The following LRP5 variants were observed in gnomAD, a reference collection of about 807,000 sequenced individuals.
The protein encoded by LRP5 is LDL receptor related protein 5.
A neutral mutation model predicts 154.1 loss-of-function variants in LRP5; 62 were observed. That is an observed-to-expected ratio of 0.40 (90% CI 0.33 to 0.50). LRP5 has a LOEUF of 0.50. Among genes scored for constraint, LRP5 ranks in the 20% least tolerant of loss-of-function variants. The probability of loss-of-function intolerance (pLI) is 0.55; values close to 1 mark genes in which losing one functional copy is unlikely to be tolerated. For missense variants in LRP5, 1,915 were observed against 2,336.7 expected (o/e 0.82, Z 3.72); for synonymous variants, 966 against 1,011.5 (o/e 0.96, Z 0.85).
chr11:68,315,263 G>A (rs1219071656), intron 1 of LRP5, among the ~76,000 whole-genome samples: 2 of 152,250 alleles, frequency 1.3e-5, no homozygotes, highest in Non-Finnish European at 2.9e-5. Flanking sequence ...GAGCTGCAGT[G>A]AGCGCAGTTG....
At chr11:68,372,342 TGGTGGTGAGGA>T (rs2098634534) in intron 5 of LRP5, among the ~76,000 whole-genome samples, 1 of 129,248 alleles carries the variant, frequency 7.7e-6, no homozygotes, top group Non-Finnish European at 1.6e-5. Context: ...GGGACTGTGG[TGGTGGTGAGGA>T]GGTGCAGTGT....
chr11:68,406,850 A>T (rs111914126), intron 9 of LRP5, 37 bp downstream of exon 9: 6 of 1,607,614 alleles, frequency 3.7e-6, no homozygotes, highest in African/African-American at 1.3e-5. Context: ...GGCAGCCTTT[A>T]TGGGAAAACC....
chr11:68,307,030 A>C, the LRP5 span, among the ~76,000 whole-genome samples: 1 of 152,214 alleles, frequency 6.6e-6, no homozygotes, highest in Non-Finnish European at 1.5e-5. Flanking sequence ...TAAAAATACA[A>C]AATTAGCCGG....
chr11:68,320,519 G>T (rs765679736), intron 1 of LRP5, among the ~76,000 whole-genome samples: 2 of 149,384 alleles, frequency 1.3e-5, no homozygotes, highest in African/African-American at 5.0e-5. Flanking sequence ...GCAGTGGCGC[G>T]ATTGCCATCT....
chr11:68,387,636 G>C (rs1348903596), intron 6 of LRP5, among the ~76,000 whole-genome samples: 2 of 152,226 alleles, frequency 1.3e-5, no homozygotes, highest in Non-Finnish European at 2.9e-5. Context: ...CGGTAGGGGA[G>C]ACTTTCTGAG....
chr11:68,400,049 C>A (rs145423982), intron 7 of LRP5, among the ~76,000 whole-genome samples: 8 of 152,214 alleles, frequency 5.3e-5, no homozygotes, highest in Non-Finnish European at 1.2e-4. Flanking sequence ...TTCTGAGCCA[C>A]CATAGGGGTC....
intron 13 of LRP5, among the ~76,000 whole-genome samples, chr11:68,419,540 A>AT (rs1264189213): frequency 0.013 from 1,467 of 112,856 alleles, 18 homozygotes; most frequent in African/African-American, 0.033. Flanking sequence ...AGCCATTTTA[A>AT]TTTTTTTTTT....
intron 3 of LRP5, 111 bp downstream of exon 3, chr11:68,357,958 C>T (rs1368965256): frequency 3.8e-6 from 4 of 1,044,696 alleles, no homozygotes; most frequent in Non-Finnish European, 5.7e-6. Flanking sequence ...CTCTGGGGCC[C>T]TGAGGAATGC....
intron 9 of LRP5, among the ~76,000 whole-genome samples, chr11:68,408,207 C>T (rs1361192685): frequency 1.3e-5 from 2 of 149,986 alleles, no homozygotes; most frequent in Non-Finnish European, 2.9e-5. Flanking sequence ...TCCCTAGTAG[C>T]TGGGACTACA....
rs1276993639 is a variant in LRP5 at position 68,386,463 on chromosome 11, A to C, written c.1163A>C (p.Tyr388Ser). Residue 388 changes from tyrosine to serine, a missense_variant, in exon 6 of 23, where the codon TAC becomes TCC. Physicochemically the swap from Tyr to Ser is moderately radical, Grantham distance 144 (BLOSUM62 -2). Coordinates refer to ENST00000294304, the MANE Select transcript of LRP5 (RefSeq NM_002335.4). This position sits in a 1 kb window ranked among gnomAD's most constrained non-coding sequence, Gnocchi z 7.9. ...IDYDPLEGYV[Y>S]WTDDEVRAIR... The stretch of plus-strand genomic sequence containing the variant: ...TACGACCCGCTAGAGGGCTATGTCT[A>C]CTGGACAGATGACGAGGTGCGGGCC... 1 of 1,614,080 alleles carries C rather than the reference A, an allele frequency of 6.2e-7. No homozygotes were observed. The highest frequency in any genetic ancestry group is 8.5e-7 in the Non-Finnish European group (1 of 1,180,022).
In LRP5 at chr11:68,366,703, G is replaced by A. The variant is rs575002314; in HGVS notation, c.1015+1001G>A. 3.1e-4 allele frequency among the ~76,000 whole-genome samples: 47 copies of A among 152,254 alleles called. 1 individual carries two copies. The East Asian group carries it at 8.1e-3, about 26-fold the overall frequency. On this transcript the variant is annotated intron_variant, in intron 5 of 22. Coordinates refer to ENST00000294304, the MANE Select transcript of LRP5 (RefSeq NM_002335.4). ...GGCTGTTACATCAAAGGGTCTGTCC[G>A]CTGTGCCGGCTGCTGCAGGGGATGG...
intron 1 of LRP5, among the ~76,000 whole-genome samples, chr11:68,317,963 G>T (rs1463966906): frequency 6.6e-6 from 1 of 151,706 alleles, no homozygotes; most frequent in Non-Finnish European, 1.5e-5. Context: ...TGTTTTCTGG[G>T]TATTTTCTTA....
chr11:68,375,232 TC>T (rs767022529), intron 5 of LRP5, among the ~76,000 whole-genome samples: 21 of 152,098 alleles, frequency 1.4e-4, no homozygotes, highest in Admixed American at 4.6e-4. Flanking sequence ...CCTCCCCAGT[TC>T]CGTGTGCCCT....
intron 1 of LRP5, among the ~76,000 whole-genome samples, chr11:68,313,030 G>C (rs1346130694): frequency 1.4e-5 from 2 of 147,906 alleles, no homozygotes; most frequent in Non-Finnish European, 3.0e-5. Flanking sequence ...TGCGTCCCGG[G>C]CTGGCGAGGA....
intron 13 of LRP5, among the ~76,000 whole-genome samples, chr11:68,416,919 C>T (rs1168762311): frequency 6.6e-6 from 1 of 152,154 alleles, no homozygotes; most frequent in African/African-American, 2.4e-5. Context: ...CTGAAAGACA[C>T]CTATGCAAAA....
At chr11:68,391,483 G>A (rs1325124529) in intron 7 of LRP5, among the ~76,000 whole-genome samples, 3 of 152,218 alleles carry the variant, frequency 2.0e-5, no homozygotes, top group African/African-American at 4.8e-5. Flanking sequence ...GGGCTCCCAG[G>A]GGAGGCCCGA....
At chr11:68,374,286 G>T (rs759971159) in intron 5 of LRP5, among the ~76,000 whole-genome samples, 2 of 152,200 alleles carry the variant, frequency 1.3e-5, no homozygotes, top group African/African-American at 4.8e-5. Context: ...AATAACGGGC[G>T]TTTGTTCCCA....
chr11:68,409,937 C>T lies in LRP5; in HGVS notation c.2115C>T (p.Asn705=), dbSNP rs145456776. 348 of 1,613,774 alleles carry T rather than the reference C, an allele frequency of 2.2e-4. 1 individual carries two copies. The highest frequency in any genetic ancestry group is 9.9e-4 in the Middle Eastern group (6 of 6,078). The part of the protein sequence containing the change: ...SLKTISRAFM[N]GSSVEHVVEF... ...AGACCATCAGCCGCGCCTTCATGAA[C>T]GGGAGCTCGGTGGAGCACGTGGTGG... is the stretch of plus-strand genomic sequence containing the variant. Residue 705 remains asparagine (N), a synonymous_variant, in exon 10 of 23, where the codon AAC becomes AAT. Coordinates refer to ENST00000294304, the MANE Select transcript of LRP5 (RefSeq NM_002335.4).
At chr11:68,364,408 T>A (rs1443245467) in intron 4 of LRP5, among the ~76,000 whole-genome samples, 2 of 150,812 alleles carry the variant, frequency 1.3e-5, no homozygotes, top group African/African-American at 4.9e-5. Context: ...TTAATAGAGA[T>A]GAGAGATTTT....
Sources: allele counts gnomAD v4.1 joint callset (sites outside exome capture counted in the v4.1 genomes callset), GRCh38; gene constraint gnomAD v4.1.1; non-coding constraint Gnocchi (gnomAD v3.1); transcripts MANE v1.5; gene names NCBI Gene and HGNC (gene_info 2026-07-23, HGNC 2026-07-21).